The following TRIM2 variants were observed in gnomAD, a reference collection of about 807,000 sequenced individuals.
TRIM2 encodes tripartite motif-containing protein 2.
Under a neutral mutation model 75.2 loss-of-function variants are expected in TRIM2, and 20 were observed. That is an observed-to-expected ratio of 0.27 (90% CI 0.19 to 0.39). TRIM2 has a LOEUF of 0.39. TRIM2 is among the 10% of genes least tolerant of loss of function. The probability of loss-of-function intolerance (pLI) is 1.00; values close to 1 mark genes in which losing one functional copy is unlikely to be tolerated. For missense variants in TRIM2, 660 were observed against 990.8 expected (o/e 0.67, Z 4.48); for synonymous variants, 373 against 388.3 (o/e 0.96, Z 0.46).
intron 8 of TRIM2, among the ~76,000 whole-genome samples, chr4:153,319,726 G>A (rs892217594): frequency 4.6e-5 from 7 of 151,356 alleles, no homozygotes; most frequent in Non-Finnish European, 8.8e-5. Flanking sequence ...GCAAAACTCT[G>A]TCTCAAAAAA....
intron 8 of TRIM2, among the ~76,000 whole-genome samples, chr4:153,319,919 C>T (rs1041357342): frequency 6.6e-6 from 1 of 152,042 alleles, no homozygotes; most frequent in Non-Finnish European, 1.5e-5. Flanking sequence ...CAGATCTGCC[C>T]TAGTTGTCAC....
chr4:153,322,744 T>A lies in TRIM2; in HGVS notation c.1879T>A (p.Phe627Ile), dbSNP rs1561014022. The change falls in exon 9 of 12, where the codon TTT (phenylalanine) becomes ATT (isoleucine). Residue 627 changes from phenylalanine (F) to isoleucine (I), a missense_variant. By Grantham distance (21) the Phe-to-Ile change is conservative (BLOSUM62 0). Around this residue, in one of 2 missense-constraint regions of TRIM2, gnomAD observed 620 missense variants for 891.0 expected, o/e 0.70. Transcript: ENST00000338700. ...IVVDNKACCV[F>I]IFQPNGKIVT... ...TGTGGACAACAAGGCGTGCTGCGTGTTTATCTTCCAGCCAAACGGGAAAAT... is the reference window on the plus strand; with the variant it reads ...TGTGGACAACAAGGCGTGCTGCGTGATTATCTTCCAGCCAAACGGGAAAAT... 1 of 1,614,228 alleles carries A rather than the reference T, an allele frequency of 6.2e-7. No homozygotes were observed. The highest frequency in any genetic ancestry group is 1.7e-5 in the Admixed American group (1 of 60,024).
intron 1 of TRIM2, among the ~76,000 whole-genome samples, chr4:153,206,863 A>G: frequency 6.6e-6 from 1 of 152,136 alleles, no homozygotes; most frequent in East Asian, 1.9e-4. Context: ...CACTTTGTAC[A>G]TTCCAAGGGG....
intron 2 of TRIM2, 47 bp downstream of exon 2, chr4:153,270,566 C>T (rs1318318313): frequency 1.3e-6 from 2 of 1,485,014 alleles, no homozygotes; most frequent in Non-Finnish European, 9.1e-7. Flanking sequence ...AGGCTGACCT[C>T]CTACAACCTA....
At chr4:153,271,347 A>T (rs1756623881) in intron 2 of TRIM2, among the ~76,000 whole-genome samples, 1 of 152,212 alleles carries the variant, frequency 6.6e-6, no homozygotes, top group Admixed American at 6.5e-5. Context: ...CCTGTGATAG[A>T]ACTGGAAATC....
intron 1 of TRIM2, among the ~76,000 whole-genome samples, chr4:153,192,514 G>T (rs1410954886): frequency 1.3e-5 from 2 of 151,682 alleles, no homozygotes; most frequent in South Asian, 2.1e-4. Flanking sequence ...GACTGAGGTG[G>T]GAGGACCACC....
At position 153,162,586 on chromosome 4, in the gene TRIM2, A is replaced by G. The variant is rs114434370; in HGVS notation, c.-49+9316A>G. 1.1e-3 allele frequency among the ~76,000 whole-genome samples: 169 copies of G among 152,366 alleles called. 1 individual carries two copies. The highest frequency in any genetic ancestry group is 3.9e-3 in the African/African-American group (163 of 41,590). On this transcript the variant is annotated intron_variant, in intron 1 of 11. Coordinates refer to the TRIM2 transcript ENST00000437508. ...TAATCTCAGGCAAAAAGACCCCCAT[A>G]GAAATACCCAGAATAATGTTTGACC... is the stretch of plus-strand genomic sequence containing the variant.
intron 11 of TRIM2, among the ~76,000 whole-genome samples, chr4:153,333,022 T>C (rs948083925): frequency 6.6e-6 from 1 of 152,246 alleles, no homozygotes; most frequent in East Asian, 1.9e-4. Context: ...TGTACATTGT[T>C]GTTCATAGAA....
At chr4:153,229,804 A>C (rs1010161089) in intron 1 of TRIM2, among the ~76,000 whole-genome samples, 3 of 152,378 alleles carry the variant, frequency 2.0e-5, no homozygotes, top group Non-Finnish European at 4.4e-5. Context: ...TATTGCACAC[A>C]GTATACTCCA....
At chr4:153,329,645 G>A (rs116290294) in intron 11 of TRIM2, among the ~76,000 whole-genome samples, 400 of 151,818 alleles carry the variant, frequency 2.6e-3, no homozygotes, top group African/African-American at 9.2e-3. Flanking sequence ...AGACAAGCTC[G>A]GCCAACACGG....
At chr4:153,175,296 A>G (rs1282979597) in intron 1 of TRIM2, among the ~76,000 whole-genome samples, 3 of 152,144 alleles carry the variant, frequency 2.0e-5, no homozygotes, top group African/African-American at 7.2e-5. Flanking sequence ...CTGGCATTAC[A>G]GGCCTGAGCC....
chr4:153,256,804 G>T (rs2149958092), intron 1 of TRIM2, among the ~76,000 whole-genome samples: 1 of 152,266 alleles, frequency 6.6e-6, no homozygotes, highest in African/African-American at 2.4e-5. Flanking sequence ...AAAAAGCAAA[G>T]AAATGTCATT....
At chr4:153,308,207 A>C in intron 6 of TRIM2, 1 of 1,464,686 alleles carries the variant, frequency 6.8e-7, no homozygotes, top group East Asian at 2.3e-5. Flanking sequence ...GTTCATAATC[A>C]ATGACAGAGC....
intron 1 of TRIM2, among the ~76,000 whole-genome samples, chr4:153,161,617 G>A (rs1287615607): frequency 6.6e-6 from 1 of 152,220 alleles, no homozygotes; most frequent in East Asian, 1.9e-4. Context: ...TCCCTGCTTA[G>A]TGAGTGCTTC....
intron 1 of TRIM2, among the ~76,000 whole-genome samples, chr4:153,178,199 G>T (rs1731671709): frequency 1.3e-5 from 2 of 152,076 alleles, no homozygotes; most frequent in African/African-American, 4.8e-5. Flanking sequence ...CCACTGAGAG[G>T]TCAGGCTGGC....
chr4:153,326,420 G>A (rs1337397892), intron 10 of TRIM2, among the ~76,000 whole-genome samples: 1 of 152,052 alleles, frequency 6.6e-6, no homozygotes, highest in East Asian at 1.9e-4. Flanking sequence ...TAAGTTTTAT[G>A]GAATACTTGG....
At chr4:153,160,676 C>T (rs923923327) in intron 1 of TRIM2, among the ~76,000 whole-genome samples, 2 of 152,180 alleles carry the variant, frequency 1.3e-5, no homozygotes, top group Non-Finnish European at 2.9e-5. Context: ...CTCACTGCAG[C>T]CTCAACCTCT....
intron 1 of TRIM2, among the ~76,000 whole-genome samples, chr4:153,218,782 G>A (rs1739182198): frequency 6.6e-6 from 1 of 152,156 alleles, no homozygotes; most frequent in African/African-American, 2.4e-5. Flanking sequence ...AGTTACTGAA[G>A]AGTAAGGATT....
chr4:153,270,209 T>G (rs1449647544), intron 1 of TRIM2, 126 bp from the exon 2 acceptor site: 12 of 1,123,108 alleles, frequency 1.1e-5, no homozygotes, highest in Non-Finnish European at 1.2e-5. Context: ...ATTACAGGCA[T>G]GAGCCACCAC....
Sources: gnomAD v4.1 joint callset for allele counts (sites outside exome capture counted in the v4.1 genomes callset) on GRCh38, gnomAD v4.1.1 for gene constraint, gnomAD v4.1.1 regional missense constraint, MANE v1.5 for transcripts, NCBI Gene and HGNC (gene_info 2026-07-23, HGNC 2026-07-21) for gene names.